Variants in RTL4 observed in about 807,000 individuals in gnomAD.
RTL4 encodes the protein retrotransposon Gag-like protein 4.
RTL4 carries 4 observed loss-of-function variants against 5.3 expected under a neutral mutation model. The observed-to-expected ratio is 0.75, with a 90% CI of 0.37 to 1.72. The LOEUF (loss-of-function observed/expected upper bound fraction) is 1.72, where lower values mean the gene tolerates loss of function less well. Among genes scored for constraint, RTL4 ranks in the 40% most tolerant of loss-of-function variants. The pLI is 0.04. For synonymous variants in RTL4, 98 were observed against 87.3 expected (o/e 1.12, Z -0.68); for missense variants, 260 against 227.1 (o/e 1.14, Z -0.93).
At chrX:112,088,012 T>TG in the RTL4 span, among the ~76,000 whole-genome samples, 1 of 109,951 alleles carries the variant, frequency 9.1e-6, no homozygotes, top group East Asian at 2.8e-4. Flanking sequence ...TTTTTTTTTT[T>TG]GCCTTTTTTT....
chrX:112,419,883 G>C, the RTL4 span, among the ~76,000 whole-genome samples: 1 of 109,353 alleles, frequency 9.1e-6, no homozygotes, highest in African/African-American at 3.3e-5. Context: ...TCAAACCAAT[G>C]TCCTTACCCT....
the RTL4 span, among the ~76,000 whole-genome samples, chrX:112,314,011 C>G: frequency 9.0e-6 from 1 of 111,554 alleles, no homozygotes; most frequent in Non-Finnish European, 1.9e-5. Context: ...AATAGCTTAT[C>G]ACCAGACTGC....
chrX:112,309,678 A>G, the RTL4 span, among the ~76,000 whole-genome samples: 1 of 107,876 alleles, frequency 9.3e-6, no homozygotes, highest in Non-Finnish European at 1.9e-5. Context: ...ACAGTGTTTC[A>G]CCATGTTGCC....
the RTL4 span, among the ~76,000 whole-genome samples, chrX:112,145,964 A>G: frequency 3.6e-5 from 4 of 112,345 alleles, no homozygotes; most frequent in African/African-American, 1.3e-4. Context: ...TACAAGTTCA[A>G]TGAGAAGGCA....
At chrX:112,246,457 T>C in the RTL4 span, among the ~76,000 whole-genome samples, 1 of 111,984 alleles carries the variant, frequency 8.9e-6, no homozygotes, top group South Asian at 3.8e-4. Flanking sequence ...GGATGCCACC[T>C]AGCAGTTAGA....
At chrX:112,149,508 G>A in the RTL4 span, among the ~76,000 whole-genome samples, 5 of 111,236 alleles carry the variant, frequency 4.5e-5, no homozygotes, top group Non-Finnish European at 9.4e-5. Context: ...TAGGCAGAGG[G>A]TATAGGACAA....
the RTL4 span, among the ~76,000 whole-genome samples, chrX:112,097,608 C>A: frequency 6.3e-5 from 7 of 111,602 alleles, no homozygotes; most frequent in South Asian, 2.3e-3. Flanking sequence ...CACGCTCTAG[C>A]CTGGGTGACA....
At chrX:112,310,857 A>G in the RTL4 span, among the ~76,000 whole-genome samples, 3 of 90,828 alleles carry the variant, frequency 3.3e-5, no homozygotes, top group African/African-American at 4.0e-5. Context: ...AATACATTAT[A>G]TATATTTACA....
chrX:112,240,845 T>C, the RTL4 span, among the ~76,000 whole-genome samples: 6 of 110,203 alleles, frequency 5.4e-5, no homozygotes, highest in African/African-American at 2.0e-4. Flanking sequence ...CAGACCCCGT[T>C]GTGTGATGTT....
chrX:112,257,187 G>T, the RTL4 span, among the ~76,000 whole-genome samples: 1 of 110,956 alleles, frequency 9.0e-6, no homozygotes, highest in African/African-American at 3.3e-5. Context: ...TTCCTGAAAG[G>T]GTGTAGATTT....
At chrX:112,139,400 A>T in the RTL4 span, among the ~76,000 whole-genome samples, 9 of 111,980 alleles carry the variant, frequency 8.0e-5, no homozygotes, top group African/African-American at 2.6e-4. Flanking sequence ...AGGAATATTT[A>T]AAAAAATTGT....
chrX:112,335,888 G>A, the RTL4 span, among the ~76,000 whole-genome samples: 1 of 109,410 alleles, frequency 9.1e-6, no homozygotes, highest in Non-Finnish European at 1.9e-5. Context: ...TGTCCACCAG[G>A]CTGGAGTGCG....
At chrX:112,093,272 C>A in the RTL4 span, among the ~76,000 whole-genome samples, 699 of 111,373 alleles carry the variant, frequency 6.3e-3, 6 homozygotes, top group African/African-American at 0.021. Flanking sequence ...TAAATCAAGA[C>A]ACTTCCCTAC....
At chrX:112,277,926 G>A in the RTL4 span, among the ~76,000 whole-genome samples, 5,549 of 111,726 alleles carry the variant, frequency 0.05, 321 homozygotes, top group African/African-American at 0.17. Context: ...AAAAGTTGAA[G>A]TAAGGCTAAA....
At chrX:112,430,995 G>A in the RTL4 span, among the ~76,000 whole-genome samples, 1 of 112,139 alleles carries the variant, frequency 8.9e-6, no homozygotes, top group African/African-American at 3.2e-5. Context: ...GTAAGGTGGA[G>A]GGGAAGAGTT....
chrX:112,204,084 T>C, the RTL4 span, among the ~76,000 whole-genome samples: 1 of 112,764 alleles, frequency 8.9e-6, no homozygotes, highest in African/African-American at 3.2e-5. Flanking sequence ...GTGCTCAACA[T>C]AATTGATCAT....
the RTL4 span, among the ~76,000 whole-genome samples, chrX:112,412,301 C>T: frequency 9.5e-5 from 10 of 104,823 alleles, no homozygotes; most frequent in Non-Finnish European, 1.4e-4. Context: ...ACAAGTTCAA[C>T]AGAATATCTA....
At chrX:112,352,771 G>A in the RTL4 span, among the ~76,000 whole-genome samples, 162 of 111,563 alleles carry the variant, frequency 1.5e-3, no homozygotes, top group African/African-American at 4.8e-3. Flanking sequence ...ATAGGCATGG[G>A]CAAGGACTTC....
chrX:112,309,289 AG>A, the RTL4 span, among the ~76,000 whole-genome samples: 5,655 of 110,455 alleles, frequency 0.051, 292 homozygotes, highest in African/African-American at 0.15. Flanking sequence ...GAGATAGACA[AG>A]TAAGCTGTCT....
Sources: gnomAD v4.1 joint callset for allele counts (sites outside exome capture counted in the v4.1 genomes callset) on GRCh38, gnomAD v4.1.1 for gene constraint, MANE v1.5 for transcripts, NCBI Gene and HGNC (gene_info 2026-07-23, HGNC 2026-07-21) for gene names.